ABHD14A: variants seen among roughly 807,000 people sequenced by gnomAD.
ABHD14A encodes abhydrolase domain containing 14A.
ABHD14A carries 19 observed loss-of-function variants against 27.0 expected under a neutral mutation model. That is an observed-to-expected ratio of 0.70 (90% CI 0.49 to 1.03). ABHD14A has a LOEUF of 1.03. Among genes scored for constraint, ABHD14A ranks in the 50% least tolerant of loss-of-function variants. The pLI, the probability that ABHD14A is intolerant of heterozygous loss-of-function variation, is 0.00. For missense variants in ABHD14A, 311 were observed against 344.6 expected, an observed-to-expected ratio of 0.90 and a Z score of 0.77; for synonymous variants, 148 against 158.8, an observed-to-expected ratio of 0.93 and a Z score of 0.51.
intron 3 of ABHD14A, 63 bp from the exon 4 acceptor site, chr3:51,980,330 G>T: frequency 6.6e-7 from 1 of 1,510,646 alleles, no homozygotes; most frequent in Non-Finnish European, 9.2e-7. Flanking sequence ...CCCCACTGTG[G>T]TGGGCAGGAA....
Sources: gnomAD v4.1 joint callset for allele counts on GRCh38, gnomAD v4.1.1 for gene constraint, MANE v1.5 for transcripts, NCBI Gene and HGNC (gene_info 2026-07-23, HGNC 2026-07-21) for gene names.